RASGRF2: variants seen among roughly 807,000 people sequenced by gnomAD.
RASGRF2 encodes Ras protein specific guanine nucleotide releasing factor 2, also known as ras-specific guanine nucleotide-releasing factor 2.
A neutral mutation model predicts 151.0 loss-of-function variants in RASGRF2; 76 were observed. The observed-to-expected ratio is 0.50, with a 90% CI of 0.42 to 0.61. The LOEUF is 0.61. RASGRF2 is among the 20% of genes least tolerant of loss of function. RASGRF2 has a pLI of 0.00. For synonymous variants in RASGRF2, 504 were observed against 566.5 expected, an observed-to-expected ratio of 0.89 and a Z score of 1.57; for missense variants, 1,148 against 1,564.6, an observed-to-expected ratio of 0.73 and a Z score of 4.49.
At chr5:81,186,604 CTT>C (rs1755031795) in intron 18 of RASGRF2, among the ~76,000 whole-genome samples, 1 of 152,122 alleles carries the variant, frequency 6.6e-6, no homozygotes, top group Admixed American at 6.6e-5. Context: ...CCTTTTCACT[CTT>C]TCATTAAAAT....
At chr5:81,058,969 C>G (rs1465127408) in intron 2 of RASGRF2, among the ~76,000 whole-genome samples, 1 of 152,070 alleles carries the variant, frequency 6.6e-6, no homozygotes, top group African/African-American at 2.4e-5. Flanking sequence ...CAGGCCTGGA[C>G]TTGTCTGTAA....
At chr5:81,207,201 G>T (rs1755527406) in intron 20 of RASGRF2, 45 bp from the exon 21 acceptor site, 1 of 1,512,864 alleles carries the variant, frequency 6.6e-7, no homozygotes, top group Non-Finnish European at 9.2e-7. Context: ...GAGATGGCAG[G>T]CGCCCTCTCC....
chr5:81,003,301 C>A (rs1749144502), intron 1 of RASGRF2, among the ~76,000 whole-genome samples: 1 of 149,110 alleles, frequency 6.7e-6, no homozygotes, highest in Non-Finnish European at 1.5e-5. Context: ...CGGCTCACTG[C>A]AAGCTCCGCC....
chr5:81,031,323 C>T (rs1272616209), intron 1 of RASGRF2, among the ~76,000 whole-genome samples: 1 of 152,166 alleles, frequency 6.6e-6, no homozygotes, highest in Non-Finnish European at 1.5e-5. Flanking sequence ...ACAGAACTCT[C>T]CACCCCAAAT....
chr5:80,978,189 C>G (rs1748187958), intron 1 of RASGRF2, among the ~76,000 whole-genome samples: 1 of 151,966 alleles, frequency 6.6e-6, no homozygotes, highest in Non-Finnish European at 1.5e-5. Flanking sequence ...TTTAAAAATG[C>G]AGTTTTTTAA....
chr5:81,094,507 A>G, intron 11 of RASGRF2, 145 bp downstream of exon 11: 1 of 755,686 alleles, frequency 1.3e-6, no homozygotes, highest in Non-Finnish European at 2.1e-6. Context: ...GGGAATTCAC[A>G]TTTTACTGAA....
At chr5:80,962,628 A>G (rs1218537980) in intron 1 of RASGRF2, among the ~76,000 whole-genome samples, 5 of 149,784 alleles carry the variant, frequency 3.3e-5, no homozygotes, top group Non-Finnish European at 7.4e-5. Context: ...TTTTTCAGTT[A>G]GGGGTGGGGA....
chr5:81,027,329 TG>T (rs1402329113), intron 1 of RASGRF2, among the ~76,000 whole-genome samples: 5 of 152,192 alleles, frequency 3.3e-5, no homozygotes, highest in Non-Finnish European at 7.4e-5. Context: ...AAACTGTGTG[TG>T]GGGGATAGAG....
At chr5:81,084,832 C>T (rs1339936868) in intron 7 of RASGRF2, among the ~76,000 whole-genome samples, 3 of 152,266 alleles carry the variant, frequency 2.0e-5, no homozygotes, top group South Asian at 2.1e-4. Context: ...GACGAGAGCT[C>T]CCAGGGTGAG....
intron 22 of RASGRF2, chr5:81,210,322 T>C (rs1246674167): frequency 1.3e-5 from 2 of 152,356 alleles, no homozygotes; most frequent in African/African-American, 4.8e-5. Flanking sequence ...CTTGAGCCAG[T>C]CGCTCCCGCG....
intron 12 of RASGRF2, among the ~76,000 whole-genome samples, chr5:81,100,737 A>C (rs914093459): frequency 5.9e-5 from 9 of 152,204 alleles, no homozygotes; most frequent in Admixed American, 2.6e-4. Flanking sequence ...GATGTCCCAA[A>C]ATATAGACCT....
chr5:80,975,246 C>G (rs932287354), intron 1 of RASGRF2, among the ~76,000 whole-genome samples: 1 of 152,046 alleles, frequency 6.6e-6, no homozygotes, highest in Non-Finnish European at 1.5e-5. Flanking sequence ...GTGAACCTCC[C>G]TCCTCTCAGG....
chr5:81,046,935 A>G (rs939647043), intron 2 of RASGRF2, among the ~76,000 whole-genome samples: 1 of 152,188 alleles, frequency 6.6e-6, no homozygotes, highest in East Asian at 1.9e-4. Context: ...ACTAAGCCTA[A>G]TACCCACAGG....
At chr5:81,116,699 C>T (rs924879209) in intron 15 of RASGRF2, among the ~76,000 whole-genome samples, 2 of 152,180 alleles carry the variant, frequency 1.3e-5, no homozygotes, top group South Asian at 2.1e-4. Context: ...TCTTCTCCCC[C>T]GGCCCCTGGC....
At chr5:81,005,958 A>T (rs1561550189) in intron 1 of RASGRF2, among the ~76,000 whole-genome samples, 1 of 152,202 alleles carries the variant, frequency 6.6e-6, no homozygotes, top group Non-Finnish European at 1.5e-5. Context: ...TGTAGAATGA[A>T]GTAGTTTTAT....
intron 1 of RASGRF2, among the ~76,000 whole-genome samples, chr5:80,980,098 G>A (rs1440463502): frequency 2.0e-5 from 3 of 152,100 alleles, no homozygotes; most frequent in Non-Finnish European, 4.4e-5. Flanking sequence ...TTAGCCCATC[G>A]TTAAATCTGA....
intron 17 of RASGRF2, among the ~76,000 whole-genome samples, chr5:81,148,916 C>G (rs896150925): frequency 6.6e-6 from 1 of 151,914 alleles, no homozygotes; most frequent in Non-Finnish European, 1.5e-5. Flanking sequence ...GGAAATGCAA[C>G]CTGATAATTA....
intron 1 of RASGRF2, among the ~76,000 whole-genome samples, chr5:81,005,171 G>C (rs545692062): frequency 6.6e-6 from 1 of 152,060 alleles, no homozygotes; most frequent in African/African-American, 2.4e-5. Flanking sequence ...CTATTCCCAC[G>C]CTGCTAATAA....
At chr5:81,166,639 A>G (rs1056851077) in intron 17 of RASGRF2, among the ~76,000 whole-genome samples, 1 of 138,052 alleles carries the variant, frequency 7.2e-6, no homozygotes, top group South Asian at 2.3e-4. Flanking sequence ...GGAGGGATTT[A>G]TGGATACTGA....
Sources: allele counts gnomAD v4.1 joint callset (sites outside exome capture counted in the v4.1 genomes callset), GRCh38; gene constraint gnomAD v4.1.1; transcripts MANE v1.5; gene names NCBI Gene and HGNC (gene_info 2026-07-23, HGNC 2026-07-21).